FDFT1: variants seen among roughly 807,000 people sequenced by gnomAD.
FDFT1 encodes the protein squalene synthase.
Under a neutral mutation model 46.8 loss-of-function variants are expected in FDFT1, and 68 were observed. That is an observed-to-expected ratio of 1.45 (90% CI 1.19 to 1.78). The LOEUF (loss-of-function observed/expected upper bound fraction) is 1.78. Ranked by LOEUF, FDFT1 falls within the 40% of genes most tolerant of loss-of-function variation. The pLI, the probability that FDFT1 is intolerant of heterozygous loss-of-function variation, is 0.00. For synonymous variants in FDFT1, 351 were observed against 185.1 expected (o/e 1.90, Z -7.28); for missense variants, 928 against 524.4 (o/e 1.77, Z -7.52).
chr8:11,823,580 AC>A (rs1809552902), intron 4 of FDFT1, among the ~76,000 whole-genome samples: 1 of 150,672 alleles, frequency 6.6e-6, no homozygotes, highest in Admixed American at 6.6e-5. Flanking sequence ...GTCAGAGACG[AC>A]TTTTTTTTTT....
In FDFT1 at chr8:11,814,859, GT is replaced by G. The variant is rs112032393; in HGVS notation, c.381+5020del. 1.3e-3 allele frequency among the ~76,000 whole-genome samples: 196 copies of G among 148,076 alleles called. 1 individual carries two copies. Among genetic ancestry groups the G allele is most frequent in the African/African-American group, 1.0e-3 (41 of 40,580 alleles). On this transcript the variant is annotated intron_variant, in intron 3 of 7. Transcript: ENST00000220584. Reference sequence around the variant, plus strand: ...GAATCTAAGCTCTTCAAGGGTCTGAGTTTTTTTTTTTCTTTTTCTTTTATTA... The same window carrying G: ...GAATCTAAGCTCTTCAAGGGTCTGAGTTTTTTTTTTCTTTTTCTTTTATTA...
At chr8:11,821,952 C>T in intron 4 of FDFT1, 74 bp downstream of exon 4, 1 of 1,550,122 alleles carries the variant, frequency 6.5e-7, no homozygotes, top group Non-Finnish European at 8.8e-7. Context: ...AAGCTCAGAA[C>T]AAGAAAAGTT....
chr8:11,802,163 G>A, upstream of FDFT1: 1 of 449,158 alleles, frequency 2.2e-6, no homozygotes, highest in Non-Finnish European at 4.5e-6. Context: ...CCTGGGGCTG[G>A]ATGGCGGTGG....
chr8:11,810,726 TAAAG>T (rs1219375226), intron 3 of FDFT1, among the ~76,000 whole-genome samples: 1 of 152,116 alleles, frequency 6.6e-6, no homozygotes, highest in Non-Finnish European at 1.5e-5. Context: ...ATCTTATAAA[TAAAG>T]GTTTGATTTA....
intron 3 of FDFT1, among the ~76,000 whole-genome samples, chr8:11,818,256 T>A (rs1367011024): frequency 6.6e-6 from 1 of 152,216 alleles, no homozygotes; most frequent in Non-Finnish European, 1.5e-5. Context: ...TCTTTTACAT[T>A]TGCTGAGCAG....
chr8:11,804,455 T>C (rs945189850), intron 1 of FDFT1, among the ~76,000 whole-genome samples: 2 of 152,194 alleles, frequency 1.3e-5, no homozygotes, highest in African/African-American at 4.8e-5. Context: ...TCTGATAATA[T>C]GGTGCAGTAT....
chr8:11,821,685 G>C, intron 3 of FDFT1, 65 bp from the exon 4 acceptor site: 1 of 1,568,506 alleles, frequency 6.4e-7, no homozygotes, highest in Admixed American at 1.7e-5. Flanking sequence ...TGTTTGCCTT[G>C]TGATCTTTGG....
At chr8:11,805,654 A>ATT (rs1161451471) in intron 1 of FDFT1, among the ~76,000 whole-genome samples, 1 of 152,126 alleles carries the variant, frequency 6.6e-6, no homozygotes, top group African/African-American at 2.4e-5. Context: ...TCTGAAAAGA[A>ATT]TTTTTTGAGT....
intron 4 of FDFT1, among the ~76,000 whole-genome samples, chr8:11,824,105 C>A (rs1001230697): frequency 5.3e-5 from 8 of 152,110 alleles, no homozygotes; most frequent in Non-Finnish European, 8.8e-5. Context: ...TCAAGCAGTC[C>A]CCTCTCCACA....
In FDFT1 at chr8:11,809,801, T is replaced by A; in HGVS notation, c.332T>A (p.Phe111Tyr). Reference sequence around the variant, plus strand: ...TTCCTTTACCAACCAGACTGGCGGTTCATGGAGAGCAAGGAGAAGGATCGC... The same window carrying A: ...TTCCTTTACCAACCAGACTGGCGGTACATGGAGAGCAAGGAGAAGGATCGC... ...HSFLYQPDWR[F>Y]MESKEKDRQV... The change falls in exon 3 of 8, where the codon TTC becomes TAC. Residue 111 changes from phenylalanine to tyrosine, a missense_variant. By Grantham distance (22) the Phe-to-Tyr change is conservative (BLOSUM62 3). Coordinates refer to ENST00000220584, the MANE Select transcript of FDFT1 (RefSeq NM_004462.5). The A allele has an allele frequency of 6.2e-7, 1 of 1,614,174 alleles. No individual in the cohort carries two copies. Among genetic ancestry groups the A allele is most frequent in the African/African-American group, 1.3e-5 (1 of 75,056 alleles).
At chr8:11,828,361 C>T (rs947681858) in intron 5 of FDFT1, among the ~76,000 whole-genome samples, 8 of 152,194 alleles carry the variant, frequency 5.3e-5, no homozygotes, top group African/African-American at 1.7e-4. Flanking sequence ...TTTAAGTTTC[C>T]TAGGTGACTC....
rs148169644 is a variant in FDFT1 at position 11,830,174 on chromosome 8, C to T, written c.703-70C>T. ...ATCATAGTTCTTATGCACAAAGACC[C>T]TTTAATATTGTTTGTAAATTCTCCC... On this transcript the variant is annotated intron_variant, in intron 5 of 7. Coordinates refer to ENST00000220584, the MANE Select transcript of FDFT1 (RefSeq NM_004462.5). The T allele has an allele frequency of 3.4e-3, 4,301 of 1,260,248 alleles. 101 individuals are homozygous for T. In the African/African-American group the frequency reaches 0.052, roughly 15 times the overall value. 78.1% of individuals were successfully genotyped at this position (1,260,248 alleles called of 1,614,324 possible). A position where few individuals can be genotyped will look rare whatever the true frequency, so the allele number is the denominator to read the frequency against.
intron 2 of FDFT1, 116 bp from the exon 3 acceptor site, chr8:11,809,548 ATAG>A: frequency 7.7e-7 from 1 of 1,306,876 alleles, no homozygotes; most frequent in Non-Finnish European, 1.0e-6. Flanking sequence ...GGATATCCTT[ATAG>A]TTCTTTAGAG....
At chr8:11,823,737 A>C (rs1692806) in intron 4 of FDFT1, among the ~76,000 whole-genome samples, 1 of 151,704 alleles carries the variant, frequency 6.6e-6, no homozygotes, top group South Asian at 2.1e-4. Context: ...TGCCTGGCTA[A>C]TTTATTTTAA....
intron 1 of FDFT1, chr8:11,796,142 C>G (rs928888179): frequency 6.6e-6 from 1 of 152,152 alleles, no homozygotes; most frequent in African/African-American, 2.4e-5. Flanking sequence ...CTCCTAAATG[C>G]TAGGATTTGG....
At chr8:11,803,989 G>A (rs1806475116) in intron 1 of FDFT1, among the ~76,000 whole-genome samples, 2 of 152,180 alleles carry the variant, frequency 1.3e-5, no homozygotes, top group African/African-American at 4.8e-5. Flanking sequence ...TCTATTATTT[G>A]ATATGGCAGA....
intron 3 of FDFT1, among the ~76,000 whole-genome samples, chr8:11,814,195 T>G (rs1388669132): frequency 6.6e-6 from 1 of 152,210 alleles, no homozygotes; most frequent in African/African-American, 2.4e-5. Context: ...ATCACTGGTT[T>G]GTTTCAGCCA....
At chr8:11,822,436 C>G (rs1809388728) in intron 4 of FDFT1, among the ~76,000 whole-genome samples, 2 of 152,148 alleles carry the variant, frequency 1.3e-5, no homozygotes, top group Admixed American at 1.3e-4. Context: ...AACCTCAAAA[C>G]TTGACAGCAG....
chr8:11,804,395 T>G (rs1049714221), intron 1 of FDFT1, among the ~76,000 whole-genome samples: 1 of 152,138 alleles, frequency 6.6e-6, no homozygotes, highest in Non-Finnish European at 1.5e-5. Context: ...CAGTATACTG[T>G]TTTTGTACAT....
Sources: allele counts gnomAD v4.1 joint callset (sites outside exome capture counted in the v4.1 genomes callset), GRCh38; gene constraint gnomAD v4.1.1; transcripts MANE v1.5; gene names NCBI Gene and HGNC (gene_info 2026-07-23, HGNC 2026-07-21).